Variants in PAPPA observed in about 807,000 individuals in gnomAD.
The protein encoded by PAPPA is pappalysin 1, also known as pappalysin-1.
A neutral mutation model predicts 164.0 loss-of-function variants in PAPPA; 60 were observed. The observed-to-expected ratio is 0.37, with a 90% CI of 0.30 to 0.45. The LOEUF (loss-of-function observed/expected upper bound fraction) is 0.45. PAPPA is among the 20% of genes least tolerant of loss of function. PAPPA has a pLI of 1.00. For synonymous variants in PAPPA, 875 were observed against 814.1 expected (o/e 1.07, Z -1.27); for missense variants, 1,782 against 2,087.3 (o/e 0.85, Z 2.85).
chr9:116,340,823 T>A (rs1846126621), intron 13 of PAPPA, among the ~76,000 whole-genome samples: 1 of 152,150 alleles, frequency 6.6e-6, no homozygotes, highest in African/African-American at 2.4e-5. Flanking sequence ...AACTAACTGG[T>A]TTCATTAACT....
intron 7 of PAPPA, among the ~76,000 whole-genome samples, chr9:116,259,743 C>G (rs1844979410): frequency 6.6e-6 from 1 of 152,188 alleles, no homozygotes; most frequent in African/African-American, 2.4e-5. Context: ...TTGGCAATAT[C>G]TAATAGTTGA....
intron 2 of PAPPA, 44 bp from the exon 3 acceptor site, chr9:116,207,412 T>TAAATAG: frequency 6.4e-7 from 1 of 1,571,116 alleles, no homozygotes; most frequent in Non-Finnish European, 8.7e-7. Context: ...GCCTGTTATC[T>TAAATAG]TTTTGGGGGC....
chr9:116,365,560 T>TG (rs1846489997), intron 18 of PAPPA, among the ~76,000 whole-genome samples: 1 of 129,780 alleles, frequency 7.7e-6, no homozygotes, highest in Non-Finnish European at 1.7e-5. Flanking sequence ...CGTTTTTTTT[T>TG]TTTTTTCCTC....
intron 3 of PAPPA, among the ~76,000 whole-genome samples, chr9:116,208,134 A>G (rs1159850186): frequency 2.0e-5 from 3 of 152,206 alleles, no homozygotes; most frequent in African/African-American, 7.2e-5. Context: ...CATTCAAATT[A>G]TACATATCCA....
At chr9:116,365,222 G>A (rs1846483908) in intron 18 of PAPPA, among the ~76,000 whole-genome samples, 1 of 152,134 alleles carries the variant, frequency 6.6e-6, no homozygotes, top group South Asian at 2.1e-4. Flanking sequence ...GGCACATTCT[G>A]GAGTCACCCA....
At position 116,374,988 on chromosome 9, in the gene PAPPA, G is replaced by A. The variant is rs568106829; in HGVS notation, c.4606-2588G>A. On this transcript the variant is annotated intron_variant, in intron 19 of 21. Transcript: ENST00000328252. ...CATGTATTTCTTCACTGTGCTCCACGCTTCACCCTGGAAGGATACAGAAGT... is the reference window on the plus strand; with the variant it reads ...CATGTATTTCTTCACTGTGCTCCACACTTCACCCTGGAAGGATACAGAAGT... Among the ~76,000 whole-genome samples, 43 of 152,328 alleles carry A rather than the reference G, an allele frequency of 2.8e-4. 1 individual carries two copies. The highest frequency in any genetic ancestry group is 1.0e-3 in the Admixed American group (16 of 15,304).
At chr9:116,322,410 C>CAAAA (rs34749732) in intron 10 of PAPPA, among the ~76,000 whole-genome samples, 10 of 56,328 alleles carry the variant, frequency 1.8e-4, no homozygotes, top group Admixed American at 4.1e-4. Context: ...GACTTAGTCT[C>CAAAA]AAAAAAAAAA....
intron 10 of PAPPA, among the ~76,000 whole-genome samples, chr9:116,327,840 C>G (rs539864955): frequency 6.6e-6 from 1 of 152,310 alleles, no homozygotes; most frequent in South Asian, 2.1e-4. Context: ...CCTCCAGTTC[C>G]CCAGGAACAT....
chr9:116,354,059 G>C (rs1280272305), intron 17 of PAPPA, among the ~76,000 whole-genome samples: 1 of 152,076 alleles, frequency 6.6e-6, no homozygotes, highest in Non-Finnish European at 1.5e-5. Flanking sequence ...GAAATGACCA[G>C]GGCTCTTTTC....
chr9:116,235,536 C>T lies in PAPPA; in HGVS notation c.2631C>T (p.Leu877=), dbSNP rs1332476147. 1 of 1,613,642 alleles carries T rather than the reference C, an allele frequency of 6.2e-7. No individual in the cohort carries two copies. The highest frequency in any genetic ancestry group is 2.2e-5 in the East Asian group (1 of 44,866). ...AMLTSTADTP[L]CLQCKPLKYK... ...TGACCTCCACTGCAGACACCCCACT[C>T]TGTCTACAGTGTAAGCCCCTGAAGT... The change falls in exon 7 of 22, where the codon CTC becomes CTT. Residue 877 remains leucine, a synonymous_variant. Coordinates refer to ENST00000328252, the MANE Select transcript of PAPPA (RefSeq NM_002581.5).
chr9:116,159,335 A>C (rs1400992078), intron 1 of PAPPA, among the ~76,000 whole-genome samples: 1 of 152,212 alleles, frequency 6.6e-6, no homozygotes, highest in Non-Finnish European at 1.5e-5. Context: ...AAGTAGCTGC[A>C]TCTCTTTTTC....
intron 17 of PAPPA, among the ~76,000 whole-genome samples, chr9:116,357,054 C>A (rs531549890): frequency 1.4e-4 from 21 of 152,312 alleles, no homozygotes; most frequent in African/African-American, 4.6e-4. Context: ...TTAGTCAAAC[C>A]TGGTCCCTTG....
chr9:116,342,326 T>C (rs1846148866), intron 13 of PAPPA, among the ~76,000 whole-genome samples: 1 of 152,208 alleles, frequency 6.6e-6, no homozygotes, highest in Admixed American at 6.5e-5. Flanking sequence ...CATGGTACAA[T>C]GCTGAGGCTG....
intron 6 of PAPPA, among the ~76,000 whole-genome samples, chr9:116,234,418 G>C (rs1356997107): frequency 2.0e-5 from 3 of 152,092 alleles, no homozygotes; most frequent in Non-Finnish European, 4.4e-5. Context: ...GAGATAAGAG[G>C]GCTCCAAGGC....
At chr9:116,380,959 T>C (rs138990031) in intron 20 of PAPPA, among the ~76,000 whole-genome samples, 49 of 152,256 alleles carry the variant, frequency 3.2e-4, no homozygotes, top group African/African-American at 1.2e-3. Context: ...GATGCAAAGG[T>C]CTTAAACAAA....
chr9:116,332,675 G>A (rs1448527620), intron 12 of PAPPA: 2 of 487,934 alleles, frequency 4.1e-6, no homozygotes, highest in South Asian at 3.4e-5. Flanking sequence ...CAGGGATAAG[G>A]GGCCAATGGC....
chr9:116,328,651 G>T (rs1441774540), intron 10 of PAPPA, among the ~76,000 whole-genome samples: 1 of 152,164 alleles, frequency 6.6e-6, no homozygotes, highest in Non-Finnish European at 1.5e-5. Context: ...TTTCTTAAAA[G>T]AAATATTATA....
At chr9:116,305,123 G>A (rs1010827813) in intron 10 of PAPPA, among the ~76,000 whole-genome samples, 7 of 122,560 alleles carry the variant, frequency 5.7e-5, no homozygotes, top group African/African-American at 7.5e-5. Context: ...ACACAAGTAC[G>A]TGGGCACACA....
intron 9 of PAPPA, among the ~76,000 whole-genome samples, chr9:116,302,359 ACTCACTGAAAAGCAACT>A (rs1355684884): frequency 2.0e-5 from 3 of 152,016 alleles, no homozygotes; most frequent in Non-Finnish European, 4.4e-5. Flanking sequence ...GAAACCACAT[ACTCACTGAAAAGCAACT>A]CTCCATTTCC....
Sources: allele counts gnomAD v4.1 joint callset (sites outside exome capture counted in the v4.1 genomes callset), GRCh38; gene constraint gnomAD v4.1.1; transcripts MANE v1.5; gene names NCBI Gene and HGNC (gene_info 2026-07-23, HGNC 2026-07-21).